TMEM132D: variants seen among roughly 807,000 people sequenced by gnomAD.
TMEM132D encodes the protein transmembrane protein 132D, also known as mature OL transmembrane protein.
A neutral mutation model predicts 62.3 loss-of-function variants in TMEM132D; 21 were observed. The observed-to-expected ratio is 0.34, with a 90% CI of 0.24 to 0.49. The LOEUF (loss-of-function observed/expected upper bound fraction) is 0.49. Ranked by LOEUF, TMEM132D falls within the 20% of genes least tolerant of loss-of-function variation. The pLI is 0.99. For missense variants in TMEM132D, 1,346 were observed against 1,402.8 expected (o/e 0.96, Z 0.65); for synonymous variants, 621 against 575.6 (o/e 1.08, Z -1.13).
chr12:129,102,267 G>A lies in TMEM132D; in HGVS notation c.1444-17565C>T, dbSNP rs371469010. Among the ~76,000 whole-genome samples the A allele has an allele frequency of 5.3e-5, 8 of 152,292 alleles. No homozygotes were observed. In the East Asian group the frequency reaches 1.4e-3, roughly 26 times the overall value. ...GACTCACTCTTCTCTTTCTGAGCCTGCTGGAAAAACACCCTTACCTTTAAT... is the reference window on the plus strand; with the variant it reads ...GACTCACTCTTCTCTTTCTGAGCCTACTGGAAAAACACCCTTACCTTTAAT... On this transcript the variant is annotated intron_variant, in intron 5 of 8. Transcript: ENST00000422113.
intron 1 of TMEM132D, among the ~76,000 whole-genome samples, chr12:129,843,443 A>G (rs1873262421): frequency 6.6e-6 from 1 of 152,250 alleles, no homozygotes; most frequent in Non-Finnish European, 1.5e-5. Context: ...ATCACAAGAC[A>G]TAAATCAAAC....
intron 3 of TMEM132D, among the ~76,000 whole-genome samples, chr12:129,344,643 T>C (rs184131029): frequency 4.6e-5 from 7 of 152,256 alleles, no homozygotes; most frequent in African/African-American, 1.4e-4. Context: ...AAGTCCCTCT[T>C]GGCTAAGAGC....
intron 2 of TMEM132D, among the ~76,000 whole-genome samples, chr12:129,552,012 G>A (rs761727730): frequency 1.2e-4 from 19 of 152,158 alleles, no homozygotes; most frequent in African/African-American, 2.4e-5. Context: ...ATACATAGGC[G>A]AGGGAAGGGT....
intron 3 of TMEM132D, among the ~76,000 whole-genome samples, chr12:129,346,440 G>T (rs555329980): frequency 6.6e-6 from 1 of 152,236 alleles, no homozygotes; most frequent in East Asian, 1.9e-4. Context: ...GTCGCCTTCA[G>T]TTCTGCTTTG....
At chr12:129,464,531 C>T (rs1241130135) in intron 3 of TMEM132D, among the ~76,000 whole-genome samples, 1 of 152,216 alleles carries the variant, frequency 6.6e-6, no homozygotes, top group Non-Finnish European at 1.5e-5. Context: ...GTGTTTTAGA[C>T]ATGAAGTCCT....
At position 129,233,821 on chromosome 12, in the gene TMEM132D, A is replaced by T. The variant is rs375866977; in HGVS notation, c.1300-24158T>A. Among the ~76,000 whole-genome samples, 4 of 151,928 alleles carry T rather than the reference A, an allele frequency of 2.6e-5. No homozygotes were observed. The East Asian group carries it at 5.8e-4, about 22-fold the overall frequency. The stretch of plus-strand genomic sequence containing the variant: ...CTGGCCTATAGATGATATTATTATT[A>T]TTTTTTACACGATTGGGTCTCTGTT... On this transcript the variant is annotated intron_variant, in intron 4 of 8. Coordinates refer to ENST00000422113, the MANE Select transcript of TMEM132D (RefSeq NM_133448.3).
intron 4 of TMEM132D, among the ~76,000 whole-genome samples, chr12:129,285,582 A>G (rs12318606): frequency 0.031 from 4,623 of 150,810 alleles, 155 homozygotes; most frequent in East Asian, 0.14. Context: ...CAGAAATGGG[A>G]TAACCACTTC....
chr12:129,469,927 C>A (rs944057841), intron 3 of TMEM132D, among the ~76,000 whole-genome samples: 1 of 152,184 alleles, frequency 6.6e-6, no homozygotes, highest in Non-Finnish European at 1.5e-5. Context: ...AAAGTCTGCA[C>A]TGGGGGGTCA....
At chr12:129,602,064 C>T (rs1878496400) in intron 2 of TMEM132D, among the ~76,000 whole-genome samples, 1 of 152,130 alleles carries the variant, frequency 6.6e-6, no homozygotes, top group Admixed American at 6.5e-5. Context: ...ATTTGTCTTT[C>T]TCATTGGAGT....
chr12:129,531,289 T>C (rs1723857542), intron 2 of TMEM132D, 84 bp from the exon 3 acceptor site: 17 of 1,451,774 alleles, frequency 1.2e-5, no homozygotes, highest in Non-Finnish European at 1.6e-5. Flanking sequence ...GGGAGCTTAA[T>C]TGCTCACCGT....
At chr12:129,702,856 CA>C (rs2137229807) in intron 1 of TMEM132D, among the ~76,000 whole-genome samples, 1 of 152,302 alleles carries the variant, frequency 6.6e-6, no homozygotes, top group South Asian at 2.1e-4. Flanking sequence ...TCACAAAGAG[CA>C]GATTCTGTTT....
rs2135616804 is a variant in TMEM132D, at chr12:129,082,007, C to T, written c.1675G>A (p.Glu559Lys). The T allele has an allele frequency of 2.5e-6, 4 of 1,611,028 alleles. No individual in the cohort carries two copies. Among genetic ancestry groups the T allele is most frequent in the East Asian group, 2.2e-5 (1 of 44,780 alleles). ...RRPAGDSEEE[E>K]DDERRGRGCT... ...CCGCGGCCCCTCCGCTCATCATCCT[C>T]CTCCTCTTCACTGTCCCCGGCAGGC... is the stretch of plus-strand genomic sequence containing the variant. The change falls in exon 7 of 9, where the codon GAG becomes AAG. Residue 559 changes from glutamate to lysine, a missense_variant. Glu to Lys is a moderately conservative substitution (Grantham distance 56). Transcript: ENST00000422113.
chr12:129,388,747 G>C lies in TMEM132D; in HGVS notation c.1116-50930C>G, dbSNP rs376013394. ...ACTCATCCTAATATAAACACTAACA[G>C]CAACACCAATACTAACACCAACACC... On this transcript the variant is annotated intron_variant, in intron 3 of 8. Transcript: ENST00000422113. Among the ~76,000 whole-genome samples, 775 of 82,064 alleles carry C rather than the reference G, an allele frequency of 9.4e-3. 15 individuals are homozygous for C. Among genetic ancestry groups the C allele is most frequent in the Middle Eastern group, 0.021 (2 of 94 alleles). The allele number at this position is 82,064 out of a possible 152,430, so 53.8% of individuals were successfully genotyped here.
chr12:129,435,021 G>A lies in TMEM132D; in HGVS notation c.1115+96038C>T, dbSNP rs140547974. ...CCTCTACTTTACTGTGTAATTCTAT[G>A]AGATCAGCTTATTTAGATTCCACAC... On this transcript the variant is annotated intron_variant, in intron 3 of 8. Coordinates refer to ENST00000422113, the MANE Select transcript of TMEM132D (RefSeq NM_133448.3). 3.9e-5 allele frequency among the ~76,000 whole-genome samples: 6 copies of A among 152,238 alleles called. No individual in the cohort carries two copies. In the East Asian group the frequency reaches 1.2e-3, roughly 29 times the overall value.
chr12:129,758,504 C>A (rs1271295238), intron 1 of TMEM132D, among the ~76,000 whole-genome samples: 3 of 152,172 alleles, frequency 2.0e-5, no homozygotes, highest in African/African-American at 2.4e-5. Context: ...AATAAACAAT[C>A]CATGAGAAGT....
At chr12:129,355,188 T>A (rs1438539762) in intron 3 of TMEM132D, among the ~76,000 whole-genome samples, 2 of 152,222 alleles carry the variant, frequency 1.3e-5, no homozygotes, top group Non-Finnish European at 2.9e-5. Flanking sequence ...ATAGACATTG[T>A]GGACTTTGTA....
Position 129,613,887 on chromosome 12 carries a change from T to A in TMEM132D, c.969-82682A>T, listed in dbSNP as rs947406226. ...CAGCTCCAGAACCCAGGGGACTGTC[T>A]GCAGAACCCAGGAGACTGGCTCCAG... is the stretch of plus-strand genomic sequence containing the variant. On this transcript the variant is annotated intron_variant, in intron 2 of 8. Coordinates refer to ENST00000422113, the MANE Select transcript of TMEM132D (RefSeq NM_133448.3). Among the ~76,000 whole-genome samples, 12 of 151,818 alleles carry A rather than the reference T, an allele frequency of 7.9e-5. 1 individual carries two copies. Among genetic ancestry groups the A allele is most frequent in the African/African-American group, 2.7e-4 (11 of 41,282 alleles).
intron 4 of TMEM132D, chr12:129,210,387 C>T (rs551574000): frequency 1.3e-5 from 2 of 152,450 alleles, no homozygotes; most frequent in Admixed American, 1.3e-4. Context: ...CCAGACGTGT[C>T]TGGAATGTTG....
chr12:129,834,418 G>T (rs1182615573), intron 1 of TMEM132D, among the ~76,000 whole-genome samples: 1 of 151,904 alleles, frequency 6.6e-6, no homozygotes, highest in Non-Finnish European at 1.5e-5. Flanking sequence ...TTGGAACAGG[G>T]CACATGGACC....
Sources: gnomAD v4.1 joint callset for allele counts (sites outside exome capture counted in the v4.1 genomes callset) on GRCh38, gnomAD v4.1.1 for gene constraint, MANE v1.5 for transcripts, NCBI Gene and HGNC (gene_info 2026-07-23, HGNC 2026-07-21) for gene names.